Variants in HRH1 observed in about 807,000 individuals in gnomAD.
HRH1 encodes the protein histamine receptor H1, also known as histamine H1 receptor.
A neutral mutation model predicts 10.3 loss-of-function variants in HRH1; 6 were observed. The ratio of observed to expected loss-of-function variants is 0.58; its 90% CI spans 0.32 to 1.15. The LOEUF is 1.15. Ranked by LOEUF, HRH1 falls within the 50% of genes most tolerant of loss-of-function variation. HRH1 has a pLI of 0.05. For missense variants in HRH1, 514 were observed against 615.3 expected, an observed-to-expected ratio of 0.84 and a Z score of 1.74; for synonymous variants, 242 against 236.7, an observed-to-expected ratio of 1.02 and a Z score of -0.21.
chr3:11,142,167 C>A (rs1936303756), intron 1 of HRH1, among the ~76,000 whole-genome samples: 1 of 152,174 alleles, frequency 6.6e-6, no homozygotes, highest in Non-Finnish European at 1.5e-5. Context: ...GGGAAAATCA[C>A]CAAAGACTGG....
chr3:11,177,747 A>G (rs1937274464), intron 1 of HRH1, among the ~76,000 whole-genome samples: 1 of 152,206 alleles, frequency 6.6e-6, no homozygotes, highest in Admixed American at 6.5e-5. Context: ...GAATGAATGA[A>G]TGTTTGATGG....
intron 1 of HRH1, chr3:11,234,115 A>G: frequency 1.7e-6 from 1 of 605,852 alleles, no homozygotes; most frequent in Non-Finnish European, 2.9e-6. Context: ...AAGACCCCTG[A>G]TCATCAAAAT....
At chr3:11,214,221 T>G (rs1938419746) in intron 1 of HRH1, among the ~76,000 whole-genome samples, 1 of 152,140 alleles carries the variant, frequency 6.6e-6, no homozygotes. Flanking sequence ...TGGTCGGTGC[T>G]TTCCAAAAGC....
intron 1 of HRH1, among the ~76,000 whole-genome samples, chr3:11,165,691 T>C (rs1016324536): frequency 6.6e-6 from 1 of 152,144 alleles, no homozygotes; most frequent in Non-Finnish European, 1.5e-5. Flanking sequence ...TTTCTCTGCA[T>C]TGGTCACTAG....
chr3:11,260,276 C>T lies in HRH1; in HGVS notation c.1239C>T (p.Ala413=), dbSNP rs147915085. Residue 413 remains alanine (A), a synonymous_variant, in exon 2 of 2, where the codon GCC becomes GCT. Transcript: ENST00000431010. ...TGCACATGAACCGCGAAAGGAAGGC[C>T]GCCAAACAGTTGGGTTTTATCATGG... ...SGLHMNRERK[A]AKQLGFIMAA... The T allele has an allele frequency of 2.8e-3, 4,548 of 1,614,150 alleles. 20 individuals are homozygous for T. Among genetic ancestry groups the T allele is most frequent in the Middle Eastern group, 9.6e-3 (58 of 6,062 alleles).
At chr3:11,185,371 T>G (rs542748638) in intron 1 of HRH1, among the ~76,000 whole-genome samples, 4 of 152,312 alleles carry the variant, frequency 2.6e-5, no homozygotes, top group Admixed American at 6.5e-5. Flanking sequence ...TTCAAAGTAG[T>G]AAGTCACTCC....
intron 1 of HRH1, among the ~76,000 whole-genome samples, chr3:11,243,620 G>A (rs1939405056): frequency 6.6e-6 from 1 of 152,212 alleles, no homozygotes; most frequent in Non-Finnish European, 1.5e-5. Flanking sequence ...TCATCGTTCT[G>A]TGCTCTAGGC....
At chr3:11,239,126 C>A (rs541507589) in intron 1 of HRH1, among the ~76,000 whole-genome samples, 3 of 152,186 alleles carry the variant, frequency 2.0e-5, no homozygotes, top group African/African-American at 7.2e-5. Flanking sequence ...ACATTTCCAC[C>A]AGCAGTGTTT....
intron 1 of HRH1, among the ~76,000 whole-genome samples, chr3:11,235,227 ATGCTATT>A: frequency 1.3e-5 from 2 of 152,004 alleles, no homozygotes; most frequent in African/African-American, 4.8e-5. Flanking sequence ...AAAAAAAAAA[ATGCTATT>A]AGAAATCCCT....
At chr3:11,241,835 C>CA (rs766585585) in intron 1 of HRH1, among the ~76,000 whole-genome samples, 3,196 of 113,794 alleles carry the variant, frequency 0.028, 91 homozygotes, top group African/African-American at 0.079. Flanking sequence ...GACTCCGTTT[C>CA]AAAAAAAAAA....
chr3:11,151,536 T>C (rs1345795978), upstream of HRH1, among the ~76,000 whole-genome samples: 2 of 152,154 alleles, frequency 1.3e-5, no homozygotes. Context: ...TCTTGGTCTG[T>C]GGTCCAGGCT....
chr3:11,219,630 T>A (rs370435106), intron 1 of HRH1, among the ~76,000 whole-genome samples: 1 of 148,650 alleles, frequency 6.7e-6, no homozygotes, highest in African/African-American at 2.5e-5. Flanking sequence ...GGAGAATCGC[T>A]TGGACCCGGG....
chr3:11,166,921 C>T (rs61635712), intron 1 of HRH1, among the ~76,000 whole-genome samples: 5,018 of 34,654 alleles, frequency 0.14, 183 homozygotes, highest in African/African-American at 0.2. Flanking sequence ...TCTCCAGGCC[C>T]GCAACATCTC....
At chr3:11,200,383 A>G (rs1160985433) in intron 1 of HRH1, among the ~76,000 whole-genome samples, 3 of 152,204 alleles carry the variant, frequency 2.0e-5, no homozygotes, top group African/African-American at 7.2e-5. Context: ...TCTATGCCAT[A>G]GAGAGACCAT....
At chr3:11,166,522 A>T (rs1260135561) in intron 1 of HRH1, among the ~76,000 whole-genome samples, 1 of 151,898 alleles carries the variant, frequency 6.6e-6, no homozygotes, top group Non-Finnish European at 1.5e-5. Context: ...GGCCCGTGAC[A>T]TCTGCTGTCT....
chr3:11,258,888 C>G, intron 1 of HRH1, 115 bp from the exon 2 acceptor site: 1 of 664,760 alleles, frequency 1.5e-6, no homozygotes. Flanking sequence ...AGTAGGTAAC[C>G]AGCAGTGTTG....
Position 11,138,527 on chromosome 3 carries a change from C to T in HRH1, c.-36+1128C>T, listed in dbSNP as rs144190799. ...ATGTGAAGACATTGGAGCCCTCAAA[C>T]ATTTCTAGATGGAATGTACCACGGT... is the stretch of plus-strand genomic sequence containing the variant. On this transcript the variant is annotated intron_variant, in intron 1 of 1. Transcript: ENST00000438284. Among the ~76,000 whole-genome samples the T allele has an allele frequency of 5.0e-3, 762 of 152,246 alleles. 11 individuals carry two copies. The highest frequency in any genetic ancestry group is 0.017 in the African/African-American group (725 of 41,532).
At chr3:11,206,904 G>A (rs1938150520) in intron 1 of HRH1, among the ~76,000 whole-genome samples, 1 of 152,212 alleles carries the variant, frequency 6.6e-6, no homozygotes, top group Non-Finnish European at 1.5e-5. Context: ...GGGTGGGAGA[G>A]CTGAGGAGGG....
intron 1 of HRH1, among the ~76,000 whole-genome samples, chr3:11,159,060 C>T (rs1936875070): frequency 6.6e-6 from 1 of 152,164 alleles, no homozygotes; most frequent in African/African-American, 2.4e-5. Flanking sequence ...CCAGCCTGGC[C>T]AACATGGCAA....
Sources: gnomAD v4.1 joint callset for allele counts (sites outside exome capture counted in the v4.1 genomes callset) on GRCh38, gnomAD v4.1.1 for gene constraint, MANE v1.5 for transcripts, NCBI Gene and HGNC (gene_info 2026-07-23, HGNC 2026-07-21) for gene names.